Variants in PNKD observed in about 807,000 individuals in gnomAD.
PNKD encodes the protein PNKD metallo-beta-lactamase domain containing.
Under a neutral mutation model 45.3 loss-of-function variants are expected in PNKD, and 36 were observed. The ratio of observed to expected loss-of-function variants is 0.80; its 90% CI spans 0.61 to 1.05. The LOEUF (loss-of-function observed/expected upper bound fraction) is 1.05. PNKD is among the 50% of genes least tolerant of loss of function. The pLI is 0.00. For synonymous variants in PNKD, 197 were observed against 210.1 expected, an observed-to-expected ratio of 0.94 and a Z score of 0.54; for missense variants, 511 against 506.6, an observed-to-expected ratio of 1.01 and a Z score of -0.08.
chr2:218,330,016 G>A (rs1159784011), intron 2 of PNKD, among the ~76,000 whole-genome samples: 1 of 3,428 alleles, frequency 2.9e-4, no homozygotes, highest in Non-Finnish European at 5.0e-4. Context: ...AACCAGAACA[G>A]TCCCCGGCCA....
intron 2 of PNKD, among the ~76,000 whole-genome samples, chr2:218,271,829 A>G (rs555401804): frequency 6.6e-6 from 1 of 152,304 alleles, no homozygotes; most frequent in East Asian, 1.9e-4. Context: ...AGTGAGACCC[A>G]AGTTTAAGTA....
intron 1 of PNKD, chr2:218,271,071 C>G (rs1690809973): frequency 3.9e-6 from 2 of 506,470 alleles, no homozygotes; most frequent in Non-Finnish European, 7.1e-6. Flanking sequence ...TCCCGGATTT[C>G]CTTCATACGT....
intron 2 of PNKD, among the ~76,000 whole-genome samples, chr2:218,297,358 C>A (rs1299460194): frequency 6.6e-6 from 1 of 152,176 alleles, no homozygotes; most frequent in Admixed American, 6.5e-5. Flanking sequence ...CACTAAAGGA[C>A]TGTGAGGCCG....
intron 2 of PNKD, among the ~76,000 whole-genome samples, chr2:218,320,459 C>T (rs1347416879): frequency 1.3e-5 from 2 of 152,076 alleles, no homozygotes; most frequent in Admixed American, 6.6e-5. Flanking sequence ...TCCCAACTAC[C>T]GAGGAGGCTG....
intron 2 of PNKD, among the ~76,000 whole-genome samples, chr2:218,284,971 T>G (rs1002028782): frequency 1.3e-5 from 2 of 152,108 alleles, no homozygotes; most frequent in Admixed American, 6.6e-5. Flanking sequence ...GCGCCTAGAA[T>G]CCCAGTTACT....
At position 218,328,850 on chromosome 2, in the gene PNKD, G is replaced by A. The variant is rs141330663; in HGVS notation, c.237-10933G>A. On this transcript the variant is annotated intron_variant, in intron 2 of 9. Transcript: ENST00000273077. Reference sequence around the variant, plus strand: ...TCTTCCCTCTTCGAGCTTCCCGTGCGCATTCTTGCTTGTACTGGAGTTAGG... The same window carrying A: ...TCTTCCCTCTTCGAGCTTCCCGTGCACATTCTTGCTTGTACTGGAGTTAGG... Among the ~76,000 whole-genome samples the A allele has an allele frequency of 3.9e-4, 59 of 152,220 alleles. 1 individual carries two copies. The South Asian group carries it at 6.4e-3, about 17-fold the overall frequency.
intron 2 of PNKD, among the ~76,000 whole-genome samples, chr2:218,287,790 G>A (rs960692731): frequency 2.0e-5 from 3 of 152,110 alleles, no homozygotes; most frequent in Non-Finnish European, 2.9e-5. Flanking sequence ...AGCCAGGGTG[G>A]CCTCTCTCTG....
intron 2 of PNKD, chr2:218,278,149 G>A (rs1691437719): frequency 1.5e-6 from 1 of 669,014 alleles, no homozygotes; most frequent in Non-Finnish European, 2.5e-6. Flanking sequence ...GGGACAACAT[G>A]GGCCAATGAG....
intron 2 of PNKD, among the ~76,000 whole-genome samples, chr2:218,323,833 G>T (rs1452969282): frequency 6.6e-6 from 1 of 152,124 alleles, no homozygotes; most frequent in Non-Finnish European, 1.5e-5. Flanking sequence ...GGCAAGTGCC[G>T]GAGAGAAGGA....
intron 2 of PNKD, chr2:218,327,728 C>T (rs1694194997): frequency 6.5e-6 from 1 of 152,990 alleles, no homozygotes; most frequent in Non-Finnish European, 1.5e-5. Flanking sequence ...TGTTCCTGCA[C>T]TTCTGTCTGA....
At chr2:218,316,268 CT>C (rs397972881) in intron 2 of PNKD, among the ~76,000 whole-genome samples, 13 of 119,582 alleles carry the variant, frequency 1.1e-4, no homozygotes, top group Non-Finnish European at 9.9e-5. Context: ...TTCTTTCTTT[CT>C]TTTTTTTTTT....
chr2:218,270,798 C>T (rs1690799999), intron 1 of PNKD, 196 bp downstream of exon 1: 1 of 408,754 alleles, frequency 2.4e-6, no homozygotes, highest in Admixed American at 4.3e-5. Flanking sequence ...CTCGACACCT[C>T]CGGGGTCTTG....
intron 2 of PNKD, chr2:218,277,509 C>T (rs1691348367): frequency 1.2e-6 from 2 of 1,608,890 alleles, no homozygotes; most frequent in African/African-American, 1.3e-5. Context: ...TGAATGACTT[C>T]AAAATCACCA....
chr2:218,325,198 C>CTTT (rs746439948), intron 2 of PNKD, among the ~76,000 whole-genome samples: 6,179 of 39,764 alleles, frequency 0.16, 1,145 homozygotes, highest in East Asian at 0.29. Flanking sequence ...CGCACCCGGC[C>CTTT]TTTTTTTTTT....
intron 2 of PNKD, among the ~76,000 whole-genome samples, chr2:218,289,048 C>G (rs1692740522): frequency 6.6e-6 from 1 of 152,240 alleles, no homozygotes; most frequent in South Asian, 2.1e-4. Flanking sequence ...AAAATTCAGC[C>G]TCTTTGCTTT....
chr2:218,279,546 G>A, intron 2 of PNKD: 2 of 539,840 alleles, frequency 3.7e-6, no homozygotes, highest in East Asian at 3.1e-5. Context: ...CATGCTCCCT[G>A]CCATCTCCCC....
intron 2 of PNKD, among the ~76,000 whole-genome samples, chr2:218,328,361 C>T (rs2106280866): frequency 6.6e-6 from 1 of 152,330 alleles, no homozygotes; most frequent in South Asian, 2.1e-4. Context: ...CTGACCACCT[C>T]ACATAAAAAT....
In PNKD at chr2:218,333,087, C is replaced by G. The variant is rs1005444668; in HGVS notation, c.237-6696C>G. Among the ~76,000 whole-genome samples, 5 of 152,222 alleles carry G rather than the reference C, an allele frequency of 3.3e-5. No homozygotes were observed. In the East Asian group the frequency reaches 9.6e-4, roughly 29 times the overall value. ...CCCTGTCTACAGTAGGGCCTCTTCC[C>G]TTCCGGCCACTCTTTTCCACCCCCA... On this transcript the variant is annotated intron_variant, in intron 2 of 9. Coordinates refer to ENST00000273077, the MANE Select transcript of PNKD (RefSeq NM_015488.5).
At chr2:218,304,150 CTG>C (rs1269150955) in intron 2 of PNKD, among the ~76,000 whole-genome samples, 2 of 152,034 alleles carry the variant, frequency 1.3e-5, no homozygotes, top group Non-Finnish European at 2.9e-5. Flanking sequence ...CCACACAGCT[CTG>C]TCTTTGTTTT....
Sources: gnomAD v4.1 joint callset for allele counts (sites outside exome capture counted in the v4.1 genomes callset) on GRCh38, gnomAD v4.1.1 for gene constraint, MANE v1.5 for transcripts, NCBI Gene and HGNC (gene_info 2026-07-23, HGNC 2026-07-21) for gene names.